MCTS1: variants seen among roughly 807,000 people sequenced by gnomAD.
The protein encoded by MCTS1 is malignant T-cell-amplified sequence 1.
For missense variants in MCTS1, 55 were observed against 128.6 expected, an observed-to-expected ratio of 0.43 and a Z score of 2.77; for synonymous variants, 26 against 40.8, an observed-to-expected ratio of 0.64 and a Z score of 1.38.
chrX:120,613,616 T>G lies in MCTS1; in HGVS notation c.*1352T>G, dbSNP rs755216596. 8.9e-6 allele frequency among the ~76,000 whole-genome samples: 1 copy of G among 112,595 alleles called. No individual in the cohort carries two copies. The highest frequency in any genetic ancestry group is 1.9e-5 in the Non-Finnish European group (1 of 53,338). On this transcript the variant is annotated 3_prime_UTR_variant, in exon 6 of 6. Coordinates refer to ENST00000371317, the MANE Select transcript of MCTS1 (RefSeq NM_014060.3). ...TTAAAGTTTCCACACATATTCTGGA[T>G]TTTGTTGATTGTATCACTGTGAAGT... is the stretch of plus-strand genomic sequence containing the variant.
At chrX:120,606,784 CAAAAAAA>C (rs763945946) in intron 3 of MCTS1, among the ~76,000 whole-genome samples, 8 of 38,510 alleles carry the variant, frequency 2.1e-4, no homozygotes, top group East Asian at 8.1e-4. Flanking sequence ...GACTTAGTCT[CAAAAAAA>C]AAAAAAAAAA....
chrX:120,604,347 C>T, intron 1 of MCTS1, 100 bp downstream of exon 1: 1 of 1,071,254 alleles, frequency 9.3e-7, no homozygotes, highest in Non-Finnish European at 1.3e-6. Context: ...TCTCCCCCGC[C>T]CCTGCCATCC....
Position 120,617,999 on chromosome X carries a change from C to A in MCTS1, c.*5735C>A, listed in dbSNP as rs1926904969. ...GTTGGCCAACCTGTTTTTATTCTTA[C>A]CACCTCTTTCAAAAAGGGATGTTGT... On this transcript the variant is annotated 3_prime_UTR_variant, in exon 6 of 6. Coordinates refer to ENST00000371317, the MANE Select transcript of MCTS1 (RefSeq NM_014060.3). 8.9e-6 allele frequency among the ~76,000 whole-genome samples: 1 copy of A among 112,487 alleles called. No homozygotes were observed. Among genetic ancestry groups the A allele is most frequent in the Non-Finnish European group, 1.9e-5 (1 of 53,317 alleles).
rs1291904561 is a variant in MCTS1, at chrX:120,612,232, G to A, written c.514G>A (p.Asp172Asn). 8.3e-7 allele frequency: 1 copy of A among 1,204,952 alleles called. No individual in the cohort carries two copies. The highest frequency in any genetic ancestry group is 1.8e-5 in the African/African-American group (1 of 57,034). The change falls in exon 6 of 6, where the codon GAT becomes AAT. Residue 172 changes from aspartate to asparagine, a missense_variant. Coordinates refer to ENST00000371317, the MANE Select transcript of MCTS1 (RefSeq NM_014060.3). The part of the protein sequence containing the change: ...IGIENIHYLN[D>N]GLWHMKTYK ...CATTGAAAATATCCATTATTTAAAT[G>A]ATGGGCTGTGGCATATGAAGACATA...
chrX:120,606,944 C>T (rs746844593), intron 3 of MCTS1, among the ~76,000 whole-genome samples: 8 of 111,736 alleles, frequency 7.2e-5, no homozygotes, highest in African/African-American at 1.6e-4. Flanking sequence ...TAGATAATTA[C>T]GCAAATATGT....
rs899000034 is a variant in MCTS1 at position 120,617,969 on chromosome X, C to A, written c.*5705C>A. Among the ~76,000 whole-genome samples the A allele has an allele frequency of 8.0e-5, 9 of 112,346 alleles. No homozygotes were observed. Among genetic ancestry groups the A allele is most frequent in the African/African-American group, 2.9e-4 (9 of 30,934 alleles). ...ATGGGAAGCCATACTGCGGTGGCTT[C>A]CAAGGTTGGCCAACCTGTTTTTATT... On this transcript the variant is annotated 3_prime_UTR_variant, in exon 6 of 6. Transcript: ENST00000371317.
chrX:120,612,084 ATAAT>A (rs1926698969), intron 5 of MCTS1, 95 bp from the exon 6 acceptor site: 1 of 637,938 alleles, frequency 1.6e-6, no homozygotes, highest in African/African-American at 2.3e-5. Flanking sequence ...TTGTGGCTTA[ATAAT>A]TAAAAAATAA....
intron 4 of MCTS1, among the ~76,000 whole-genome samples, chrX:120,608,804 T>G (rs2147373436): frequency 8.9e-6 from 1 of 112,283 alleles, no homozygotes; most frequent in East Asian, 2.8e-4. Context: ...GCACCAGGTA[T>G]AGGTATCTCT....
At position 120,621,106 on chromosome X, in the gene MCTS1, AATG is replaced by A. The variant is rs1027834815; in HGVS notation, c.*8845_*8847del. The A allele has an allele frequency of 8.9e-6, 1 of 112,577 alleles. No individual in the cohort carries two copies. Among genetic ancestry groups the A allele is most frequent in the African/African-American group, 3.2e-5 (1 of 30,999 alleles). The allele number at this position is 112,577 out of a possible 1,213,427, so 9.3% of individuals were successfully genotyped here. A position where few individuals can be genotyped will look rare whatever the true frequency, so the allele number is the denominator to read the frequency against. ...TTCTTTCCTGTTGATTATATATTGAAATGATAATATTTTGGATATGTTTGGGTT... is the reference window on the plus strand; with the variant it reads ...TTCTTTCCTGTTGATTATATATTGAAATAATATTTTGGATATGTTTGGGTT... On this transcript the variant is annotated 3_prime_UTR_variant, in exon 6 of 6. Transcript: ENST00000371317.
At chrX:120,612,000 A>G (rs1195108146) in intron 5 of MCTS1, among the ~76,000 whole-genome samples, 183 bp from the exon 6 acceptor site, 1 of 112,116 alleles carries the variant, frequency 8.9e-6, no homozygotes, top group East Asian at 2.8e-4. Context: ...AATCACTTTT[A>G]GATATGAGCT....
At position 120,616,849 on chromosome X, in the gene MCTS1, CCTCA is replaced by C. The variant is rs1195468637; in HGVS notation, c.*4588_*4591del. Among the ~76,000 whole-genome samples the C allele has an allele frequency of 8.9e-6, 1 of 112,289 alleles. No individual in the cohort carries two copies. The highest frequency in any genetic ancestry group is 1.9e-5 in the Non-Finnish European group (1 of 53,264). Reference sequence around the variant, plus strand: ...CTTAGTTGTTACAGAGAATGACATGCCTCACTATTAATGTCCAATTCTAATTAAT... The same window carrying C: ...CTTAGTTGTTACAGAGAATGACATGCCTATTAATGTCCAATTCTAATTAAT... On this transcript the variant is annotated 3_prime_UTR_variant, in exon 6 of 6. Transcript: ENST00000371317.
chrX:120,605,971 AT>A (rs1926520748), intron 2 of MCTS1, 107 bp from the exon 3 acceptor site: 1 of 458,483 alleles, frequency 2.2e-6, no homozygotes, highest in Non-Finnish European at 3.4e-6. Context: ...TTTGGCCAGG[AT>A]TTTTACTGAC....
At position 120,612,959 on chromosome X, in the gene MCTS1, C is replaced by T. The variant is rs188490155; in HGVS notation, c.*695C>T. Among the ~76,000 whole-genome samples the T allele has an allele frequency of 1.8e-3, 184 of 101,131 alleles. 2 individuals carry two copies. Among genetic ancestry groups the T allele is most frequent in the South Asian group, 0.012 (25 of 2,066 alleles). 87.8% of individuals were successfully genotyped at this position (101,131 alleles called of 115,157 possible). A position where few individuals can be genotyped will look rare whatever the true frequency, so the allele number is the denominator to read the frequency against. On this transcript the variant is annotated 3_prime_UTR_variant, in exon 6 of 6. Transcript: ENST00000371317. ...TTTTTTTTTTTGAAACAGGGTCTTGCTCTGTTGCCCAGGCTGGAGTGCAGT... is the reference window on the plus strand; with the variant it reads ...TTTTTTTTTTTGAAACAGGGTCTTGTTCTGTTGCCCAGGCTGGAGTGCAGT...
intron 4 of MCTS1, among the ~76,000 whole-genome samples, chrX:120,610,283 CTGCACT>C (rs1744237726): frequency 9.2e-6 from 1 of 108,920 alleles, no homozygotes; most frequent in Non-Finnish European, 1.9e-5. Context: ...GATCATGCCA[CTGCACT>C]CCAGCCGGGT....
rs137943821 is a variant in MCTS1, at chrX:120,620,461, CAAA to C, written c.*8218_*8220del. On this transcript the variant is annotated 3_prime_UTR_variant, in exon 6 of 6. Coordinates refer to ENST00000371317, the MANE Select transcript of MCTS1 (RefSeq NM_014060.3). Reference sequence around the variant, plus strand: ...TGAAATCCTGTCTCTACTAAAAATACAAAAAAAAAAAAAAAAAAAAAAATTAGC... The same window carrying C: ...TGAAATCCTGTCTCTACTAAAAATACAAAAAAAAAAAAAAAAAAAATTAGC... 18,118 of 52,107 alleles carry C rather than the reference CAAA, an allele frequency of 0.35. 2,258 individuals are homozygous for C. Among genetic ancestry groups the C allele is most frequent in the East Asian group, 0.49 (839 of 1,719 alleles). 4.3% of individuals were successfully genotyped at this position (52,107 alleles called of 1,213,427 possible).
chrX:120,607,642 C>T (rs757495336), intron 3 of MCTS1, among the ~76,000 whole-genome samples: 4 of 111,508 alleles, frequency 3.6e-5, no homozygotes, highest in African/African-American at 6.5e-5. Flanking sequence ...TTATTATTAA[C>T]GCAAGTCCTT....
At position 120,615,344 on chromosome X, in the gene MCTS1, A is replaced by G. The variant is rs1926817911; in HGVS notation, c.*3080A>G. 9.0e-6 allele frequency among the ~76,000 whole-genome samples: 1 copy of G among 111,699 alleles called. No individual in the cohort carries two copies. Among genetic ancestry groups the G allele is most frequent in the African/African-American group, 3.3e-5 (1 of 30,737 alleles). On this transcript the variant is annotated 3_prime_UTR_variant, in exon 6 of 6. Transcript: ENST00000371317. ...ATCTAGTAACTTGTGTATTGGACTCACTTTTACTCAGACAAGGTCAGTTCA... is the reference window on the plus strand; with the variant it reads ...ATCTAGTAACTTGTGTATTGGACTCGCTTTTACTCAGACAAGGTCAGTTCA...
Position 120,605,480 on chromosome X carries a change from T to C in MCTS1, c.85T>C (p.Leu29=). ...AGTTATTAAGGGTATTAAGAATCAA[T>C]TGATAGAGCAATTTCCAGGTATTGA... ...TSVIKGIKNQ[L]IEQFPGIEPW... Residue 29 remains leucine (L), a synonymous_variant, in exon 2 of 6, where the codon TTG becomes CTG. Coordinates refer to ENST00000371317, the MANE Select transcript of MCTS1 (RefSeq NM_014060.3). 4.2e-6 allele frequency: 5 copies of C among 1,201,632 alleles called. No homozygotes were observed. Among genetic ancestry groups the C allele is most frequent in the Non-Finnish European group, 5.6e-6 (5 of 891,065 alleles).
At position 120,618,613 on chromosome X, in the gene MCTS1, A is replaced by G. The variant is rs1041019734; in HGVS notation, c.*6349A>G. ...AGAAACAGCTTCATTTAATGGGATA[A>G]TAGCAATCTCTAACCCATCAAATTA... On this transcript the variant is annotated 3_prime_UTR_variant, in exon 6 of 6. Transcript: ENST00000371317. Among the ~76,000 whole-genome samples the G allele has an allele frequency of 2.7e-5, 3 of 112,534 alleles. No individual in the cohort carries two copies. Among genetic ancestry groups the G allele is most frequent in the Non-Finnish European group, 5.6e-5 (3 of 53,342 alleles).
Sources: gnomAD v4.1 joint callset for allele counts (sites outside exome capture counted in the v4.1 genomes callset) on GRCh38, gnomAD v4.1.1 for gene constraint, MANE v1.5 for transcripts, NCBI Gene and HGNC (gene_info 2026-07-23, HGNC 2026-07-21) for gene names.